Variants in ABCA5 observed in about 807,000 individuals in gnomAD.
ABCA5 encodes cholesterol transporter ABCA5.
ABCA5 carries 163 observed loss-of-function variants against 206.0 expected under a neutral mutation model. That is an observed-to-expected ratio of 0.79 (90% CI 0.70 to 0.90). ABCA5 has a LOEUF of 0.90. ABCA5 is among the 40% of genes least tolerant of loss of function. The probability of loss-of-function intolerance (pLI) is 0.00; values close to 1 mark genes in which losing one functional copy is unlikely to be tolerated. For synonymous variants in ABCA5, 609 were observed against 613.8 expected, an observed-to-expected ratio of 0.99 and a Z score of 0.11; for missense variants, 1,859 against 1,912.9, an observed-to-expected ratio of 0.97 and a Z score of 0.53.
At chr17:69,323,839 TG>T (rs2075881606) in intron 1 of ABCA5, among the ~76,000 whole-genome samples, 1 of 152,222 alleles carries the variant, frequency 6.6e-6, no homozygotes, top group Non-Finnish European at 1.5e-5. Flanking sequence ...TCAGTCTGTT[TG>T]GCACAGCCCA....
At position 69,244,667 on chromosome 17, in the gene ABCA5, C is replaced by T. The variant is rs968454165; in HGVS notation, c.*2870G>A. On this transcript the variant is annotated 3_prime_UTR_variant, in exon 39 of 39. Coordinates refer to ENST00000392676, the MANE Select transcript of ABCA5 (RefSeq NM_172232.4). ...ACATTAAGGATAAACATTTCTATTT[C>T]TCAAAAATTAATGCCTATTTACATG... 6.6e-6 allele frequency: 1 copy of T among 151,456 alleles called. No homozygotes were observed. Among genetic ancestry groups the T allele is most frequent in the African/African-American group, 2.4e-5 (1 of 41,444 alleles). The allele number at this position is 151,456 out of a possible 1,614,324, so 9.4% of individuals were successfully genotyped here.
rs1475729880 is a variant in ABCA5 at position 69,271,217 on chromosome 17, T to G, written c.2837A>C (p.Asp946Ala). The change falls in exon 21 of 39, where the codon GAC becomes GCC. Residue 946 changes from aspartate to alanine, a missense_variant. Asp to Ala is a moderately radical substitution (Grantham distance 126, BLOSUM62 -2). Transcript: ENST00000392676. ...ACTATGGGGAGCCACGGATACATAG[T>G]CACTGTCATTAATCATCGTCACCAT... The part of the protein sequence containing the change: ...NIMVTMINDS[D>A]YVSVAPHSAA... 1.9e-6 allele frequency: 3 copies of G among 1,613,536 alleles called. No homozygotes were observed. The Admixed American group carries it at 5.0e-5, about 27-fold the overall frequency.
At chr17:69,317,193 T>C (rs930663643) in intron 1 of ABCA5, 13 of 152,306 alleles carry the variant, frequency 8.5e-5, no homozygotes, top group African/African-American at 3.1e-4. Flanking sequence ...GGTCAGGGGT[T>C]TGAGACCAGC....
At position 69,306,937 on chromosome 17, in the gene ABCA5, A is replaced by G; in HGVS notation, c.576T>C (p.Ser192=). ...TAGTTGACTCCAGCTCCTTCCAAAG[A>G]GAAACATTGGTCTTCAACTATAATT... ...AAIIQLKTNV[S]LWKELESTKA... is the part of the protein sequence containing the mutation. The change falls in exon 6 of 39, where the codon TCT becomes TCC. Residue 192 remains serine, a synonymous_variant. Coordinates refer to ENST00000392676, the MANE Select transcript of ABCA5 (RefSeq NM_172232.4). 6.4e-7 allele frequency: 1 copy of G among 1,553,268 alleles called. No individual in the cohort carries two copies. Among genetic ancestry groups the G allele is most frequent in the Non-Finnish European group, 8.7e-7 (1 of 1,153,576 alleles).
chr17:69,270,986 T>C (rs2075267067), intron 21 of ABCA5, among the ~76,000 whole-genome samples, 176 bp downstream of exon 21: 1 of 152,210 alleles, frequency 6.6e-6, no homozygotes, highest in Non-Finnish European at 1.5e-5. Context: ...TAACTTTATA[T>C]ATTGGTCATC....
rs1038586254 is a variant in ABCA5, at chr17:69,326,825, G to A, written c.-16+227C>T. Among the ~76,000 whole-genome samples the A allele has an allele frequency of 6.6e-6, 1 of 152,014 alleles. No individual in the cohort carries two copies. Among genetic ancestry groups the A allele is most frequent in the Non-Finnish European group, 1.5e-5 (1 of 67,980 alleles). On this transcript the variant is annotated intron_variant, in intron 1 of 38. Transcript: ENST00000392676. This position sits in a 1 kb window ranked among gnomAD's most constrained non-coding sequence, Gnocchi z 4.8. Reference sequence around the variant, plus strand: ...TCCTGGGCGCTCCCACCGCATCCCCGAGGCTGGCAACCCGCGCTTCCCGGG... The same window carrying A: ...TCCTGGGCGCTCCCACCGCATCCCCAAGGCTGGCAACCCGCGCTTCCCGGG...
intron 24 of ABCA5, among the ~76,000 whole-genome samples, chr17:69,263,700 T>TTTTTG (rs934974106): frequency 7.0e-6 from 1 of 143,630 alleles, no homozygotes; most frequent in Non-Finnish European, 1.5e-5. Flanking sequence ...TGGATTCCTT[T>TTTTTG]TTTTTTTTTT....
chr17:69,303,861 T>TATATACATATATATATACACATAC (rs1555584192), intron 7 of ABCA5, among the ~76,000 whole-genome samples: 1 of 59,494 alleles, frequency 1.7e-5, no homozygotes, highest in African/African-American at 5.0e-5. Context: ...TATATGTATA[T>TATATACATATATATATACACATAC]ATATATATAC....
intron 6 of ABCA5, 52 bp from the exon 7 acceptor site, chr17:69,304,862 T>C (rs2075700595): frequency 7.2e-7 from 1 of 1,395,000 alleles, no homozygotes. Context: ...GCTTAACCAG[T>C]TAAAAAATCA....
chr17:69,276,097 G>A (rs569089254), intron 19 of ABCA5, among the ~76,000 whole-genome samples: 7 of 135,376 alleles, frequency 5.2e-5, no homozygotes, highest in African/African-American at 2.7e-5. Flanking sequence ...TTGGGGGGGC[G>A]GGGGGGCAGG....
Position 69,270,754 on chromosome 17 carries a change from C to A in ABCA5, c.2893-4G>T. 2 of 1,521,920 alleles carry A rather than the reference C, an allele frequency of 1.3e-6. No homozygotes were observed. Among genetic ancestry groups the A allele is most frequent in the Non-Finnish European group, 1.8e-6 (2 of 1,141,234 alleles). 94.3% of individuals were successfully genotyped at this position (1,521,920 alleles called of 1,614,324 possible). ...AAACAGCTGCAAAAACATAGTCCTA[C>A]AATTAAAAAAAAGACACTTATTACA... On this transcript the variant is annotated splice_region_variant and splice_polypyrimidine_tract_variant and intron_variant, in intron 21 of 38. Coordinates refer to ENST00000392676, the MANE Select transcript of ABCA5 (RefSeq NM_172232.4).
At chr17:69,252,510 T>C (rs2075027302) in intron 34 of ABCA5, among the ~76,000 whole-genome samples, 1 of 152,064 alleles carries the variant, frequency 6.6e-6, no homozygotes. Flanking sequence ...AACCAAACCT[T>C]ACATTTTATA....
chr17:69,245,262 C>T lies in ABCA5; in HGVS notation c.*2275G>A, dbSNP rs552670626. Reference sequence around the variant, plus strand: ...TTCTTGCCTTATTAGTCAGTAAACACTCACTCAGTAAAGCTCAGCTTTTAC... The same window carrying T: ...TTCTTGCCTTATTAGTCAGTAAACATTCACTCAGTAAAGCTCAGCTTTTAC... On this transcript the variant is annotated 3_prime_UTR_variant, in exon 39 of 39. Coordinates refer to ENST00000392676, the MANE Select transcript of ABCA5 (RefSeq NM_172232.4). 1.2e-4 allele frequency: 18 copies of T among 152,004 alleles called. No individual in the cohort carries two copies. The highest frequency in any genetic ancestry group is 4.3e-4 in the African/African-American group (18 of 41,536). 9.4% of individuals were successfully genotyped at this position (152,004 alleles called of 1,614,324 possible).
At chr17:69,259,853 GTTT>G in intron 27 of ABCA5, 56 bp from the exon 28 acceptor site, 4 of 1,147,914 alleles carry the variant, frequency 3.5e-6, no homozygotes, top group African/African-American at 3.2e-5. Flanking sequence ...TGTTGTTGTT[GTTT>G]TTTCCTTTGC....
intron 1 of ABCA5, among the ~76,000 whole-genome samples, chr17:69,316,538 T>A (rs1168361750): frequency 1.4e-5 from 2 of 145,946 alleles, no homozygotes; most frequent in Non-Finnish European, 3.0e-5. Context: ...TAACAAAAAG[T>A]CTAACTTTCA....
In ABCA5 at chr17:69,270,706, A is replaced by C. The variant is rs757476330; in HGVS notation, c.2937T>G (p.Ser979=). Residue 979 remains serine (S), a synonymous_variant, in exon 22 of 39, where the codon TCT becomes TCG. Coordinates refer to ENST00000392676, the MANE Select transcript of ABCA5 (RefSeq NM_172232.4). ...AAVFNSTMVY[S]LPILVNIISN... ...TAATGATATTCACTAATATAGGTAA[A>C]GAATAAACCATAGTACTGTTGAAAA... The C allele has an allele frequency of 4.4e-6, 7 of 1,597,650 alleles. No homozygotes were observed. Among genetic ancestry groups the C allele is most frequent in the Non-Finnish European group, 6.0e-6 (7 of 1,173,998 alleles).
intron 11 of ABCA5, among the ~76,000 whole-genome samples, chr17:69,291,803 C>T (rs1419328392): frequency 6.6e-6 from 1 of 152,064 alleles, no homozygotes; most frequent in Non-Finnish European, 1.5e-5. Flanking sequence ...AATGATGAAG[C>T]AGAAATGGCT....
chr17:69,271,341 T>C, intron 20 of ABCA5, 52 bp from the exon 21 acceptor site: 1 of 1,525,332 alleles, frequency 6.6e-7, no homozygotes, highest in East Asian at 2.3e-5. Context: ...ACGAGGCTTT[T>C]AGTAACACTG....
At chr17:69,321,117 T>C (rs1294602089) in intron 1 of ABCA5, among the ~76,000 whole-genome samples, 3 of 152,122 alleles carry the variant, frequency 2.0e-5, no homozygotes, top group South Asian at 2.1e-4. Context: ...CAATACTGAC[T>C]AGCCTAACAG....
Sources: allele counts gnomAD v4.1 joint callset (sites outside exome capture counted in the v4.1 genomes callset), GRCh38; gene constraint gnomAD v4.1.1; non-coding constraint Gnocchi (gnomAD v3.1); transcripts MANE v1.5; gene names NCBI Gene and HGNC (gene_info 2026-07-23, HGNC 2026-07-21).